SEPTIN9: variants seen among roughly 807,000 people sequenced by gnomAD.
SEPTIN9 encodes septin-9.
A neutral mutation model predicts 56.6 loss-of-function variants in SEPTIN9; 13 were observed. The observed-to-expected ratio is 0.23, with a 90% CI of 0.15 to 0.37. The LOEUF is 0.37. SEPTIN9 is among the 10% of genes least tolerant of loss of function. The probability of loss-of-function intolerance (pLI) is 1.00; values close to 1 mark genes in which losing one functional copy is unlikely to be tolerated. For synonymous variants in SEPTIN9, 332 were observed against 334.1 expected, an observed-to-expected ratio of 0.99 and a Z score of 0.07; for missense variants, 650 against 823.1, an observed-to-expected ratio of 0.79 and a Z score of 2.57.
intron 2 of SEPTIN9, chr17:77,375,068 C>G (rs2034872063): frequency 1.5e-5 from 2 of 137,148 alleles, no homozygotes; most frequent in South Asian, 2.7e-4. Context: ...ACCTCCTCAT[C>G]TGGACATCTT....
At chr17:77,455,297 C>T (rs923602025) in intron 3 of SEPTIN9, among the ~76,000 whole-genome samples, 1 of 152,198 alleles carries the variant, frequency 6.6e-6, no homozygotes, top group Non-Finnish European at 1.5e-5. Context: ...GACCTCCGGC[C>T]TCTGCATGGC....
chr17:77,465,015 C>A (rs1008576943), intron 3 of SEPTIN9, among the ~76,000 whole-genome samples: 3 of 152,226 alleles, frequency 2.0e-5, no homozygotes, highest in African/African-American at 7.2e-5. Context: ...GGGCTCTCAG[C>A]CCCTAGCCAC....
At chr17:77,490,961 G>A in intron 8 of SEPTIN9, 102 bp downstream of exon 8, 1 of 934,012 alleles carries the variant, frequency 1.1e-6, no homozygotes, top group East Asian at 2.6e-5. Flanking sequence ...CTGTCAGGGA[G>A]ACCGAACCGC....
At chr17:77,488,006 ACT>A (rs2143345860) in intron 5 of SEPTIN9, among the ~76,000 whole-genome samples, 1 of 152,312 alleles carries the variant, frequency 6.6e-6, no homozygotes, top group East Asian at 1.9e-4. Flanking sequence ...GCCCCGTCAC[ACT>A]GAGCTCCCCA....
chr17:77,478,578 G>A (rs149302662), intron 3 of SEPTIN9, among the ~76,000 whole-genome samples: 3 of 152,168 alleles, frequency 2.0e-5, no homozygotes, highest in East Asian at 1.9e-4. Context: ...AGGCCGAGGC[G>A]GGTGGATCAT....
chr17:77,425,457 C>T lies in SEPTIN9; in HGVS notation c.721+22754C>T, dbSNP rs550478046. 1.3e-5 allele frequency among the ~76,000 whole-genome samples: 2 copies of T among 152,298 alleles called. No homozygotes were observed. Among genetic ancestry groups the T allele is most frequent in the South Asian group, 2.1e-4 (1 of 4,820 alleles). On this transcript the variant is annotated intron_variant, in intron 3 of 11. Coordinates refer to ENST00000427177, the MANE Select transcript of SEPTIN9 (RefSeq NM_001113491.2). The surrounding 1 kb of genome is among the most constrained non-coding windows in gnomAD (Gnocchi z 4.2). Reference sequence around the variant, plus strand: ...ACCCGAGTGTCACTCTGGATACAGCCCTCACCTCTTCCTGGCCCCCTCTCT... The same window carrying T: ...ACCCGAGTGTCACTCTGGATACAGCTCTCACCTCTTCCTGGCCCCCTCTCT...
chr17:77,281,687 G>A, intron 1 of SEPTIN9, 133 bp downstream of exon 1: 1 of 859,244 alleles, frequency 1.2e-6, no homozygotes, highest in Non-Finnish European at 1.7e-6. Context: ...ACTGCAGGTC[G>A]AGTTCCTCCC....
chr17:77,487,618 GGT>G lies in SEPTIN9; in HGVS notation c.1042+67_1042+68del, dbSNP rs2039850875. On this transcript the variant is annotated intron_variant, in intron 5 of 11. Coordinates refer to ENST00000427177, the MANE Select transcript of SEPTIN9 (RefSeq NM_001113491.2). This position sits in a 1 kb window ranked among gnomAD's most constrained non-coding sequence, Gnocchi z 4.3. ...GCCTTCCTGGAGCACAGGGGTTGGG[GGT>G]CAAGACCATCACACACAGTCAGTGG... The G allele has an allele frequency of 7.2e-7, 1 of 1,379,444 alleles. No homozygotes were observed. Among genetic ancestry groups the G allele is most frequent in the African/African-American group, 2.0e-5 (1 of 49,732 alleles). 85.5% of individuals were successfully genotyped at this position (1,379,444 alleles called of 1,614,324 possible). A position where few individuals can be genotyped will look rare whatever the true frequency, so the allele number is the denominator to read the frequency against.
chr17:77,492,753 C>G lies in SEPTIN9; in HGVS notation c.1476+37C>G. 1 of 1,576,542 alleles carries G rather than the reference C, an allele frequency of 6.3e-7. No individual in the cohort carries two copies. Among genetic ancestry groups the G allele is most frequent in the Non-Finnish European group, 8.7e-7 (1 of 1,146,002 alleles). ...CACTAGGATGTTGTTCCCAGGGGAC[C>G]CCCAGTTCCTGCTGAAGGGTGGGTT... On this transcript the variant is annotated intron_variant, in intron 9 of 11. Transcript: ENST00000427177. This position sits in a 1 kb window ranked among gnomAD's most constrained non-coding sequence, Gnocchi z 5.4.
chr17:77,463,295 G>A (rs1387579951), intron 3 of SEPTIN9, among the ~76,000 whole-genome samples: 1 of 152,018 alleles, frequency 6.6e-6, no homozygotes, highest in East Asian at 1.9e-4. Context: ...CAACTGATCG[G>A]GTGAGGCCCA....
intron 2 of SEPTIN9, among the ~76,000 whole-genome samples, chr17:77,355,974 T>C (rs2034221395): frequency 6.7e-5 from 3 of 44,772 alleles, no homozygotes; most frequent in African/African-American, 7.8e-5. Context: ...AGAGCGAGAC[T>C]CCGTCTCAAA....
chr17:77,497,540 C>T (rs773007020), intron 11 of SEPTIN9, 174 bp downstream of exon 11: 14 of 661,456 alleles, frequency 2.1e-5, no homozygotes, highest in Non-Finnish European at 3.8e-5. Context: ...AAAGAAAACC[C>T]ACTGGGAAAT....
chr17:77,303,186 C>A (rs866595350), intron 1 of SEPTIN9, among the ~76,000 whole-genome samples: 1 of 151,124 alleles, frequency 6.6e-6, no homozygotes, highest in East Asian at 2.0e-4. Flanking sequence ...CTGCAACCTC[C>A]GTCTCCTGGG....
intron 2 of SEPTIN9, among the ~76,000 whole-genome samples, chr17:77,388,810 C>CTTTTT (rs5822196): frequency 5.1e-4 from 40 of 78,042 alleles, no homozygotes; most frequent in African/African-American, 1.1e-3. Context: ...GTGTTAGGCG[C>CTTTTT]TTTTTTTTTT....
chr17:77,328,083 A>G (rs1389317572), intron 2 of SEPTIN9, among the ~76,000 whole-genome samples: 1 of 126,384 alleles, frequency 7.9e-6, no homozygotes, highest in South Asian at 2.6e-4. Flanking sequence ...CTGTATCCAG[A>G]GCATCCCCAT....
rs957034751 is a variant in SEPTIN9 at position 77,429,089 on chromosome 17, C to T, written c.721+26386C>T. 2 of 471,526 alleles carry T rather than the reference C, an allele frequency of 4.2e-6. No individual in the cohort carries two copies. The highest frequency in any genetic ancestry group is 2.3e-5 in the Admixed American group (1 of 42,566). 29.2% of individuals were successfully genotyped at this position (471,526 alleles called of 1,614,324 possible). ...ATGTACCTGTTCTTGGCTATTTGTG[C>T]CCCAGCTCCGTGTCCTCCGGTGTGT... On this transcript the variant is annotated intron_variant, in intron 3 of 11. Coordinates refer to ENST00000427177, the MANE Select transcript of SEPTIN9 (RefSeq NM_001113491.2). This position sits in a 1 kb window ranked among gnomAD's most constrained non-coding sequence, Gnocchi z 5.2.
chr17:77,428,210 C>T (rs2144261994), intron 3 of SEPTIN9, among the ~76,000 whole-genome samples: 1 of 152,292 alleles, frequency 6.6e-6, no homozygotes, highest in Non-Finnish European at 1.5e-5. Flanking sequence ...GGGACACTGG[C>T]AAGGAAGCAA....
intron 2 of SEPTIN9, among the ~76,000 whole-genome samples, chr17:77,350,610 AGTGT>A (rs57851361): frequency 9.4e-5 from 14 of 149,476 alleles, no homozygotes; most frequent in African/African-American, 9.8e-5. Context: ...CCTCCAGTGC[AGTGT>A]GTGTGTGTGT....
At position 77,434,503 on chromosome 17, in the gene SEPTIN9, C is replaced by T. The variant is rs2037268326; in HGVS notation, c.721+31800C>T. Among the ~76,000 whole-genome samples, 2 of 152,190 alleles carry T rather than the reference C, an allele frequency of 1.3e-5. No individual in the cohort carries two copies. The highest frequency in any genetic ancestry group is 1.5e-5 in the Non-Finnish European group (1 of 68,030). On this transcript the variant is annotated intron_variant, in intron 3 of 11. Transcript: ENST00000427177. The surrounding 1 kb of genome is among the most constrained non-coding windows in gnomAD (Gnocchi z 5.0). ...CTGAGTCTGCAGCCTGTTTTCCTTA[C>T]CAGGTGGCTAAGCAGGGTGGCAGCC... is the stretch of plus-strand genomic sequence containing the variant.
Sources: allele counts gnomAD v4.1 joint callset (sites outside exome capture counted in the v4.1 genomes callset), GRCh38; gene constraint gnomAD v4.1.1; non-coding constraint Gnocchi (gnomAD v3.1); transcripts MANE v1.5; gene names NCBI Gene and HGNC (gene_info 2026-07-23, HGNC 2026-07-21).